Variants in ZPBP observed in about 807,000 individuals in gnomAD.
ZPBP encodes the protein zona pellucida binding protein.
In ZPBP, 26 loss-of-function variants were observed where a neutral mutation model predicts 44.8. The observed-to-expected ratio is 0.58, with a 90% CI of 0.43 to 0.81. The LOEUF (loss-of-function observed/expected upper bound fraction) is 0.81, where lower values mean the gene tolerates loss of function less well. ZPBP is among the 30% of genes least tolerant of loss of function. ZPBP has a pLI of 0.00. For synonymous variants in ZPBP, 174 were observed against 153.2 expected, an observed-to-expected ratio of 1.14 and a Z score of -1.00; for missense variants, 409 against 434.0, an observed-to-expected ratio of 0.94 and a Z score of 0.51.
chr7:49,867,745 C>G (rs1790964981), intron 2 of ZPBP, among the ~76,000 whole-genome samples: 1 of 152,248 alleles, frequency 6.6e-6, no homozygotes, highest in African/African-American at 2.4e-5. Flanking sequence ...AAAGTACAAA[C>G]AGCAGAAGAC....
intron 3 of ZPBP, among the ~76,000 whole-genome samples, chr7:50,077,752 T>C (rs1404721476): frequency 6.6e-6 from 1 of 151,572 alleles, no homozygotes; most frequent in African/African-American, 2.4e-5. Context: ...CAAGTGCTGG[T>C]GAGGATGTGG....
At chr7:49,938,207 A>G (rs1346824845) in intron 7 of ZPBP, among the ~76,000 whole-genome samples, 2 of 152,178 alleles carry the variant, frequency 1.3e-5, no homozygotes, top group African/African-American at 2.4e-5. Flanking sequence ...ACACATGGCC[A>G]TAACTGTGTA....
chr7:49,989,010 C>T (rs1797443290), intron 6 of ZPBP, among the ~76,000 whole-genome samples: 1 of 152,178 alleles, frequency 6.6e-6, no homozygotes. Context: ...TTGTCTCTCT[C>T]TCTCTGTGCA....
intron 7 of ZPBP, among the ~76,000 whole-genome samples, chr7:49,977,586 C>T (rs1254753362): frequency 1.3e-5 from 2 of 152,048 alleles, no homozygotes; most frequent in Non-Finnish European, 2.9e-5. Flanking sequence ...GACACAGATA[C>T]CGTGTCATAA....
intron 2 of ZPBP, 118 bp from the exon 3 acceptor site, chr7:50,082,017 C>T (rs914989515): frequency 4.3e-6 from 5 of 1,171,772 alleles, no homozygotes; most frequent in South Asian, 2.8e-5. Flanking sequence ...AATTATTGCT[C>T]CTATTACTTG....
At chr7:50,064,757 C>T (rs1326732293) in intron 3 of ZPBP, among the ~76,000 whole-genome samples, 2 of 152,054 alleles carry the variant, frequency 1.3e-5, no homozygotes, top group African/African-American at 4.8e-5. Flanking sequence ...TTCAAGGTGC[C>T]CACATTTCAT....
intron 1 of ZPBP, chr7:49,916,634 A>G (rs1793741205): frequency 6.6e-6 from 1 of 152,240 alleles, no homozygotes; most frequent in Non-Finnish European, 1.5e-5. Flanking sequence ...TTCCCAAAAC[A>G]TCACCCAATA....
intron 7 of ZPBP, among the ~76,000 whole-genome samples, chr7:49,963,364 A>T (rs1041358916): frequency 6.6e-6 from 1 of 151,816 alleles, no homozygotes; most frequent in Admixed American, 6.6e-5. Flanking sequence ...ATATCACTCC[A>T]CGATTTAACT....
intron 4 of ZPBP, among the ~76,000 whole-genome samples, chr7:50,035,211 C>T (rs1218496166): frequency 6.6e-6 from 1 of 152,162 alleles, no homozygotes; most frequent in East Asian, 1.9e-4. Flanking sequence ...GCCCCTAAGC[C>T]ACCAATCGGA....
At chr7:50,055,945 T>G (rs1217413999) in intron 4 of ZPBP, among the ~76,000 whole-genome samples, 1 of 152,214 alleles carries the variant, frequency 6.6e-6, no homozygotes, top group African/African-American at 2.4e-5. Context: ...ACATGACTGA[T>G]TAAAAGGTTT....
intron 2 of ZPBP, among the ~76,000 whole-genome samples, chr7:49,885,771 T>C (rs977697051): frequency 3.9e-5 from 6 of 152,290 alleles, no homozygotes; most frequent in Admixed American, 1.3e-4. Context: ...GATTTATGAG[T>C]GCAGGTGCTT....
At chr7:49,956,314 G>T (rs1237642587) in intron 7 of ZPBP, among the ~76,000 whole-genome samples, 1 of 151,868 alleles carries the variant, frequency 6.6e-6, no homozygotes, top group Non-Finnish European at 1.5e-5. Flanking sequence ...AGCAGTGTTT[G>T]AAAAAATTAT....
chr7:50,086,916 CAAG>C (rs952231652), intron 2 of ZPBP, among the ~76,000 whole-genome samples: 5 of 151,970 alleles, frequency 3.3e-5, no homozygotes, highest in African/African-American at 1.2e-4. Context: ...AATCCATAAA[CAAG>C]GAGATAATCT....
chr7:49,851,090 C>T (rs1286949486), intron 2 of ZPBP, among the ~76,000 whole-genome samples: 1 of 152,218 alleles, frequency 6.6e-6, no homozygotes, highest in African/African-American at 2.4e-5. Context: ...CGGCTGCTCC[C>T]TTACATGCCT....
At chr7:50,089,224 T>C (rs751376618) in intron 2 of ZPBP, among the ~76,000 whole-genome samples, 1 of 152,110 alleles carries the variant, frequency 6.6e-6, no homozygotes, top group Non-Finnish European at 1.5e-5. Context: ...TTTTATGGCA[T>C]GTGAATTTGC....
intron 5 of ZPBP, among the ~76,000 whole-genome samples, chr7:50,029,625 A>G (rs1799500871): frequency 6.6e-6 from 1 of 152,222 alleles, no homozygotes; most frequent in Non-Finnish European, 1.5e-5. Context: ...ACAACACCAA[A>G]AAGACACACA....
intron 6 of ZPBP, among the ~76,000 whole-genome samples, chr7:49,994,243 A>C (rs977759288): frequency 3.9e-5 from 6 of 152,234 alleles, no homozygotes; most frequent in African/African-American, 1.4e-4. Context: ...GCTGTAGTCC[A>C]ATAGCTGCCC....
At chr7:49,995,590 C>A (rs192483876) in intron 6 of ZPBP, among the ~76,000 whole-genome samples, 1 of 152,166 alleles carries the variant, frequency 6.6e-6, no homozygotes, top group Non-Finnish European at 1.5e-5. Context: ...CTTTTAAGTC[C>A]TTGATGATGG....
chr7:49,992,643 T>C (rs1406061647), intron 6 of ZPBP, among the ~76,000 whole-genome samples: 1 of 152,156 alleles, frequency 6.6e-6, no homozygotes, highest in Non-Finnish European at 1.5e-5. Flanking sequence ...AGAAATTTCA[T>C]TATTTTAGAT....
Sources: gnomAD v4.1 joint callset for allele counts (sites outside exome capture counted in the v4.1 genomes callset) on GRCh38, gnomAD v4.1.1 for gene constraint, MANE v1.5 for transcripts, NCBI Gene and HGNC (gene_info 2026-07-23, HGNC 2026-07-21) for gene names.